The following BCL11A variants were observed in gnomAD, a reference collection of about 807,000 sequenced individuals.
BCL11A encodes BCL11 transcription factor A.
Under a neutral mutation model 55.9 loss-of-function variants are expected in BCL11A, and 2 were observed. That is an observed-to-expected ratio of 0.04 (90% confidence interval 0.01 to 0.11). The LOEUF (loss-of-function observed/expected upper bound fraction) is 0.11, where lower values mean the gene tolerates loss of function less well. Among genes scored for constraint, BCL11A ranks in the 10% least tolerant of loss-of-function variants. The pLI is 1.00. For missense variants in BCL11A, 817 were observed against 1,137.1 expected (o/e 0.72, Z 4.05); for synonymous variants, 465 against 473.4 (o/e 0.98, Z 0.23).
chr2:60,521,188 C>T (rs1668975765), intron 2 of BCL11A, among the ~76,000 whole-genome samples: 1 of 152,134 alleles, frequency 6.6e-6, no homozygotes, highest in South Asian at 2.1e-4. Flanking sequence ...TTGTCTACTG[C>T]CAGTGAAGCC....
At chr2:60,542,561 T>G (rs1669970743) in intron 2 of BCL11A, 1 of 152,236 alleles carries the variant, frequency 6.6e-6, no homozygotes, top group Non-Finnish European at 1.5e-5. Flanking sequence ...CCCAGCTAAA[T>G]TAATACTACT....
chr2:60,489,000 T>A (rs1048348285), intron 2 of BCL11A, among the ~76,000 whole-genome samples: 1 of 152,154 alleles, frequency 6.6e-6, no homozygotes, highest in Non-Finnish European at 1.5e-5. Context: ...CCTTAGGTGA[T>A]CCACCCACCT....
chr2:60,468,803 G>A lies in BCL11A; in HGVS notation c.416C>T (p.Ser139Phe). ...TAGAGCTCCATGTGCAGAACGAGGG[G>A]AGGAGAGGCCCCTCCAGTGCAGAAG... ...DKLLHWRGLS[S>F]PRSAHGALIP... is the part of the protein sequence containing the mutation. Residue 139 changes from serine (S) to phenylalanine (F), a missense_variant, in exon 3 of 4, where the codon TCC (serine) becomes TTC (phenylalanine). This residue lies in a region of BCL11A where 363 missense variants were observed against 486.6 expected (regional missense o/e 0.75). Coordinates refer to ENST00000642384, the MANE Select transcript of BCL11A (RefSeq NM_022893.4). 3.7e-6 allele frequency: 6 copies of A among 1,608,552 alleles called. No individual in the cohort carries two copies. The highest frequency in any genetic ancestry group is 5.1e-6 in the Non-Finnish European group (6 of 1,178,704).
chr2:60,453,244 G>A (rs1271658580), downstream of BCL11A, among the ~76,000 whole-genome samples: 1 of 152,226 alleles, frequency 6.6e-6, no homozygotes, highest in Non-Finnish European at 1.5e-5. Flanking sequence ...ACTGCCTGTA[G>A]TTTCTTTCAA....
At chr2:60,479,659 C>T (rs372278384) in intron 2 of BCL11A, among the ~76,000 whole-genome samples, 1 of 152,292 alleles carries the variant, frequency 6.6e-6, no homozygotes, top group African/African-American at 2.4e-5. Flanking sequence ...AGAGGCCGAC[C>T]AGGCAAGAAC....
Position 60,461,557 on chromosome 2 carries a change from GT to G in BCL11A, c.1354del (p.Thr452ProfsTer27), listed in dbSNP as rs1676290990. 6.2e-7 allele frequency: 1 copy of G among 1,611,410 alleles called. No homozygotes were observed. The highest frequency in any genetic ancestry group is 1.3e-5 in the African/African-American group (1 of 74,946). The stretch of plus-strand genomic sequence containing the variant: ...GCTGGCGCTGCCCACCAAGTCGCTG[GT>G]GCCGGGTTCCGGGGAGCTGGCGGTG... Reference protein sequence around the residue: ...LSTASSPEPGTSDLVGSASSA... With the variant: ...LSTASSPEPGXSDLVGSASSA... On this transcript the variant is annotated frameshift_variant, in exon 4 of 4. Transcript: ENST00000642384. LOFTEE classifies it high-confidence loss of function.
downstream of BCL11A, among the ~76,000 whole-genome samples, chr2:60,454,426 G>A (rs1358113692): frequency 1.3e-5 from 2 of 151,934 alleles, no homozygotes; most frequent in East Asian, 1.9e-4. Flanking sequence ...TCCTCATATC[G>A]GCAAAGTTCC....
At chr2:60,479,701 A>C (rs1354790096) in intron 2 of BCL11A, among the ~76,000 whole-genome samples, 1 of 152,222 alleles carries the variant, frequency 6.6e-6, no homozygotes, top group Non-Finnish European at 1.5e-5. Flanking sequence ...CTCTAATGCA[A>C]TAAAATGTCT....
At position 60,459,195 on chromosome 2, in the gene BCL11A, A is replaced by T; in HGVS notation, c.*1209T>A. On this transcript the variant is annotated 3_prime_UTR_variant, in exon 4 of 4. Transcript: ENST00000642384. ...GTCAGCCTCTTCCTTTCAATATGGT[A>T]TACAAGGTCTTAAAGTTTATCATTT... The T allele has an allele frequency of 2.0e-6, 2 of 1,022,336 alleles. No homozygotes were observed. The highest frequency in any genetic ancestry group is 2.3e-6 in the Non-Finnish European group (2 of 851,502). 63.3% of individuals were successfully genotyped at this position (1,022,336 alleles called of 1,614,324 possible). A position where few individuals can be genotyped will look rare whatever the true frequency, so the allele number is the denominator to read the frequency against.
chr2:60,478,957 C>T (rs1215456317), intron 2 of BCL11A, among the ~76,000 whole-genome samples: 2 of 141,192 alleles, frequency 1.4e-5, no homozygotes, highest in African/African-American at 5.2e-5. Context: ...CTTTGACGTG[C>T]TTTGTTTTTT....
intron 2 of BCL11A, among the ~76,000 whole-genome samples, chr2:60,512,861 AG>A (rs1376382753): frequency 6.6e-6 from 1 of 152,238 alleles, no homozygotes; most frequent in Non-Finnish European, 1.5e-5. Flanking sequence ...ACACACCTAA[AG>A]TAAATGAATA....
Position 60,460,229 on chromosome 2 carries a change from G to C in BCL11A, c.*175C>G. 7.5e-7 allele frequency: 1 copy of C among 1,327,834 alleles called. No individual in the cohort carries two copies. The highest frequency in any genetic ancestry group is 9.6e-7 in the Non-Finnish European group (1 of 1,041,322). The allele number at this position is 1,327,834 out of a possible 1,614,324, so 82.3% of individuals were successfully genotyped here. On this transcript the variant is annotated 3_prime_UTR_variant, in exon 4 of 4. Transcript: ENST00000642384. ...AAAAAGAAAAAAAACAGGTGTGCTG[G>C]TGACAAGCACTCTCATATTCTTAGC...
chr2:60,475,191 G>A (rs913432627), intron 2 of BCL11A, among the ~76,000 whole-genome samples: 2 of 152,216 alleles, frequency 1.3e-5, no homozygotes, highest in Non-Finnish European at 2.9e-5. Context: ...AGTTGACAGC[G>A]GAGGATACGA....
At chr2:60,451,303 T>C in exon 5 of BCL11A, 1 of 227,408 alleles carries the variant, frequency 4.4e-6, no homozygotes, top group Middle Eastern at 1.3e-3. Context: ...ACGGCCTGTA[T>C]GTGAATCTAC....
chr2:60,549,971 A>G (rs1185776531), intron 1 of BCL11A: 4 of 152,160 alleles, frequency 2.6e-5, no homozygotes, highest in African/African-American at 9.7e-5. Context: ...CATTATGATG[A>G]TAACTATTAC....
Position 60,485,153 on chromosome 2 carries a change from A to G in BCL11A, c.386-16320T>C, listed in dbSNP as rs1261625544. Among the ~76,000 whole-genome samples the G allele has an allele frequency of 2.0e-5, 3 of 152,242 alleles. 1 individual carries two copies. In the South Asian group the frequency reaches 6.2e-4, roughly 32 times the overall value. On this transcript the variant is annotated intron_variant, in intron 2 of 3. Coordinates refer to ENST00000642384, the MANE Select transcript of BCL11A (RefSeq NM_022893.4). ...CAGGCCAGTGCCTAATTTCCTAAAC[A>G]GGCCCCTTCTTCCTTGAAGTCACTG...
intron 2 of BCL11A, among the ~76,000 whole-genome samples, chr2:60,475,098 A>G (rs1441773653): frequency 3.3e-5 from 5 of 152,248 alleles, no homozygotes; most frequent in South Asian, 2.1e-4. Context: ...CTTAGAGAGA[A>G]GCAAAGCCCA....
At position 60,458,272 on chromosome 2, in the gene BCL11A, ATGTT is replaced by A; in HGVS notation, c.*2128_*2131del. 1 of 1,012,678 alleles carries A rather than the reference ATGTT, an allele frequency of 9.9e-7. No individual in the cohort carries two copies. The allele number at this position is 1,012,678 out of a possible 1,614,324, so 62.7% of individuals were successfully genotyped here. A position where few individuals can be genotyped will look rare whatever the true frequency, so the allele number is the denominator to read the frequency against. On this transcript the variant is annotated 3_prime_UTR_variant, in exon 4 of 4. Transcript: ENST00000642384. ...ATAATCTTAAACCTTTCCCCAATGT[ATGTT>A]TTTTTTTTTTACAACCTGAAGAGCG...
Position 60,461,839 on chromosome 2 carries a change from G to A in BCL11A, c.1073C>T (p.Pro358Leu). 6.2e-7 allele frequency: 1 copy of A among 1,612,950 alleles called. No homozygotes were observed. Reference protein sequence around the residue: ...PGSKPPFLATPPLPPLQSAPP... With the variant: ...PGSKPPFLATLPLPPLQSAPP... ...GGCGGATTGCAGAGGAGGGAGGGGG[G>A]GCGTCGCCAGGAAGGGCGGCTTGCT... Residue 358 changes from proline to leucine, a missense_variant, in exon 4 of 4, where the codon CCC (proline) becomes CTC (leucine). Transcript: ENST00000642384.
Sources: gnomAD v4.1 joint callset for allele counts (sites outside exome capture counted in the v4.1 genomes callset) on GRCh38, gnomAD v4.1.1 for gene constraint, gnomAD v4.1.1 regional missense constraint, MANE v1.5 for transcripts, NCBI Gene and HGNC (gene_info 2026-07-23, HGNC 2026-07-21) for gene names.